CCNB3: variants seen among roughly 807,000 people sequenced by gnomAD.
CCNB3 encodes the protein cyclin B3.
Under a neutral mutation model 68.0 loss-of-function variants are expected in CCNB3, and 12 were observed. That is an observed-to-expected ratio of 0.18 (90% confidence interval 0.11 to 0.29). The LOEUF (loss-of-function observed/expected upper bound fraction) is 0.29, where lower values mean the gene tolerates loss of function less well. Ranked by LOEUF, CCNB3 falls within the 10% of genes least tolerant of loss-of-function variation. The probability of loss-of-function intolerance (pLI) is 1.00; values close to 1 mark genes in which losing one functional copy is unlikely to be tolerated. For synonymous variants in CCNB3, 354 were observed against 388.9 expected (o/e 0.91, Z 1.06); for missense variants, 904 against 993.1 (o/e 0.91, Z 1.21).
chrX:50,279,462 A>G (rs1252007598), intron 1 of CCNB3, among the ~76,000 whole-genome samples: 2 of 82,142 alleles, frequency 2.4e-5, no homozygotes, highest in Admixed American at 1.8e-4. Context: ...AAATATATAT[A>G]AATATATAAA....
chrX:50,226,989 G>A (rs1382964079), intron 1 of CCNB3, among the ~76,000 whole-genome samples: 1 of 68,630 alleles, frequency 1.5e-5, no homozygotes, highest in Admixed American at 2.2e-4. Context: ...TATATATATA[G>A]AATATATAAA....
intron 1 of CCNB3, among the ~76,000 whole-genome samples, chrX:50,219,606 C>A (rs1935637504): frequency 9.1e-6 from 1 of 110,458 alleles, no homozygotes; most frequent in South Asian, 3.9e-4. Context: ...TTTCTGAGGC[C>A]TCTGTTCTGT....
rs782127944 is a variant in CCNB3 at position 50,310,474 on chromosome X, A to G, written c.2305A>G (p.Asn769Asp). 1.7e-6 allele frequency: 2 copies of G among 1,210,191 alleles called. No individual in the cohort carries two copies. Among genetic ancestry groups the G allele is most frequent in the East Asian group, 3.0e-5 (1 of 33,753 alleles). The part of the protein sequence containing the change: ...VFFLKKQLAL[N>D]ETINEEEFLN... ...CTTCCTGAAGAAGCAGTTGGCTTTGAATGAGACCATCAATGAAGAGGAGTT... is the reference window on the plus strand; with the variant it reads ...CTTCCTGAAGAAGCAGTTGGCTTTGGATGAGACCATCAATGAAGAGGAGTT... The change falls in exon 6 of 13, where the codon AAT (asparagine) becomes GAT (aspartate). Residue 769 changes from asparagine to aspartate, a missense_variant. This residue lies in a region of CCNB3 where 619 missense variants were observed against 609.8 expected (regional missense o/e 1.02). Coordinates refer to ENST00000376042, the MANE Select transcript of CCNB3 (RefSeq NM_033031.3).
chrX:50,308,572 C>T lies in CCNB3; in HGVS notation c.403C>T (p.Leu135Phe). 4 of 1,209,871 alleles carry T rather than the reference C, an allele frequency of 3.3e-6. No homozygotes were observed. Among genetic ancestry groups the T allele is most frequent in the Non-Finnish European group, 4.5e-6 (4 of 894,018 alleles). The part of the protein sequence containing the change: ...TVVPNIMEKP[L>F]ILDISTTSKT... ...GGTACCAAACATTATGGAGAAACCA[C>T]TCATTCTAGACATATCCACCACCTC... Residue 135 changes from leucine to phenylalanine, a missense_variant, in exon 6 of 13, where the codon CTC becomes TTC. Coordinates refer to ENST00000376042, the MANE Select transcript of CCNB3 (RefSeq NM_033031.3).
intron 1 of CCNB3, among the ~76,000 whole-genome samples, chrX:50,283,950 A>G (rs191393001): frequency 3.7e-5 from 4 of 107,303 alleles, no homozygotes; most frequent in African/African-American, 1.4e-4. Context: ...CATTATTTCT[A>G]TCCTTTTCCT....
chrX:50,349,746 A>G (rs1475395093), intron 11 of CCNB3, among the ~76,000 whole-genome samples: 1 of 112,155 alleles, frequency 8.9e-6, no homozygotes, highest in Middle Eastern at 4.2e-3. Flanking sequence ...GAATTCTCTC[A>G]GGGACCATGT....
chrX:50,333,215 C>T (rs991155882), intron 8 of CCNB3, among the ~76,000 whole-genome samples: 2 of 111,282 alleles, frequency 1.8e-5, no homozygotes, highest in Non-Finnish European at 3.8e-5. Flanking sequence ...TTATCCGAGC[C>T]GATTCATAAG....
At chrX:50,334,149 T>C (rs1922736112) in intron 8 of CCNB3, among the ~76,000 whole-genome samples, 1 of 112,349 alleles carries the variant, frequency 8.9e-6, no homozygotes, top group South Asian at 3.7e-4. Context: ...CCATCACATA[T>C]CCTGCACATC....
intron 8 of CCNB3, among the ~76,000 whole-genome samples, chrX:50,332,120 T>C (rs907116304): frequency 8.9e-6 from 1 of 112,096 alleles, no homozygotes; most frequent in African/African-American, 3.2e-5. Context: ...TTGCTATTAA[T>C]GACAGCACAG....
At position 50,228,708 on chromosome X, in the gene CCNB3, A is replaced by C. The variant is rs1344971602; in HGVS notation, c.-113+23758A>C. ...AATATATACATAGAATATATATAGA[A>C]TATATATAAAGAATATATATAGAAT... is the stretch of plus-strand genomic sequence containing the variant. On this transcript the variant is annotated intron_variant, in intron 1 of 12. Transcript: ENST00000376042. Among the ~76,000 whole-genome samples the C allele has an allele frequency of 1.1e-4, 9 of 82,296 alleles. No individual in the cohort carries two copies. In the East Asian group the frequency reaches 2.1e-3, roughly 19 times the overall value. 71.5% of individuals were successfully genotyped at this position (82,296 alleles called of 115,157 possible).
chrX:50,349,150 G>A (rs1430240776), intron 11 of CCNB3, among the ~76,000 whole-genome samples: 3 of 112,417 alleles, frequency 2.7e-5, no homozygotes, highest in East Asian at 2.8e-4. Context: ...GTCTTGAAAC[G>A]TATGCAGGAA....
intron 1 of CCNB3, among the ~76,000 whole-genome samples, chrX:50,280,187 A>G (rs2147013227): frequency 2.2e-5 from 2 of 93,005 alleles, no homozygotes; most frequent in East Asian, 3.3e-4. Flanking sequence ...ATATATAAAT[A>G]TATATAGAAC....
intron 8 of CCNB3, among the ~76,000 whole-genome samples, chrX:50,318,213 TAA>T (rs782490765): frequency 1.1e-5 from 1 of 94,196 alleles, no homozygotes; most frequent in Non-Finnish European, 2.1e-5. Context: ...ACTCTATTCT[TAA>T]AAAAAAAAAA....
At chrX:50,226,827 C>T (rs1413791549) in intron 1 of CCNB3, among the ~76,000 whole-genome samples, 1 of 57,306 alleles carries the variant, frequency 1.7e-5, no homozygotes, top group Non-Finnish European at 3.0e-5. Context: ...TAAATATATA[C>T]ATGAATATAT....
chrX:50,317,850 G>A (rs1216494062), intron 8 of CCNB3, among the ~76,000 whole-genome samples: 1 of 111,117 alleles, frequency 9.0e-6, no homozygotes, highest in Non-Finnish European at 1.9e-5. Context: ...GATTACAGGC[G>A]TGAGGCACTG....
intron 8 of CCNB3, among the ~76,000 whole-genome samples, chrX:50,323,431 G>C (rs59541109): frequency 2.0e-5 from 2 of 98,850 alleles, no homozygotes; most frequent in African/African-American, 3.7e-5. Context: ...GTAGGGGGAG[G>C]GGGGAGGGAT....
intron 1 of CCNB3, among the ~76,000 whole-genome samples, chrX:50,226,233 ATT>A (rs1221334280): frequency 1.8e-3 from 121 of 67,504 alleles, no homozygotes; most frequent in Non-Finnish European, 2.0e-3. Flanking sequence ...GAATATATAT[ATT>A]TATATATATA....
In CCNB3 at chrX:50,351,715, G is replaced by C; in HGVS notation, c.*12G>C. 8.6e-7 allele frequency: 1 copy of C among 1,162,567 alleles called. No individual in the cohort carries two copies. On this transcript the variant is annotated 3_prime_UTR_variant, in exon 13 of 13. Transcript: ENST00000376042. ...GCCTGGTACTCTAGCAGCAGCCACAGGGCTAAGCATGCATGTTAACAGGGT... is the reference window on the plus strand; with the variant it reads ...GCCTGGTACTCTAGCAGCAGCCACACGGCTAAGCATGCATGTTAACAGGGT...
At chrX:50,286,420 AT>A (rs1936234751) in intron 3 of CCNB3, among the ~76,000 whole-genome samples, 3 of 107,935 alleles carry the variant, frequency 2.8e-5, no homozygotes, top group African/African-American at 1.0e-4. Flanking sequence ...CTGCCTTAGC[AT>A]CCTGAGTAGC....
Sources: allele counts gnomAD v4.1 joint callset (sites outside exome capture counted in the v4.1 genomes callset), GRCh38; gene constraint gnomAD v4.1.1; regional missense constraint gnomAD v4.1.1; transcripts MANE v1.5; gene names NCBI Gene and HGNC (gene_info 2026-07-23, HGNC 2026-07-21).